The following AGBL1 variants were observed in gnomAD, a reference collection of about 807,000 sequenced individuals.
The protein encoded by AGBL1 is AGBL carboxypeptidase 1.
AGBL1 carries 130 observed loss-of-function variants against 118.9 expected under a neutral mutation model. That is an observed-to-expected ratio of 1.09 (90% confidence interval 0.95 to 1.26). AGBL1 has a LOEUF of 1.26. Ranked by LOEUF, AGBL1 falls within the 50% of genes most tolerant of loss-of-function variation. The pLI, the probability that AGBL1 is intolerant of heterozygous loss-of-function variation, is 0.00. For synonymous variants in AGBL1, 555 were observed against 478.9 expected (o/e 1.16, Z -2.08); for missense variants, 1,584 against 1,298.1 (o/e 1.22, Z -3.38).
At chr15:86,539,457 A>C in intron 19 of AGBL1, among the ~76,000 whole-genome samples, 1 of 152,078 alleles carries the variant, frequency 6.6e-6, no homozygotes, top group East Asian at 1.9e-4. Flanking sequence ...CTCCCATCTT[A>C]ACACTTCTGT....
intron 23 of AGBL1, among the ~76,000 whole-genome samples, chr15:86,941,810 A>G (rs1429656985): frequency 2.0e-5 from 3 of 152,230 alleles, no homozygotes; most frequent in Non-Finnish European, 4.4e-5. Context: ...CAGGAGAACC[A>G]TGCACACTAC....
chr15:86,816,084 A>G (rs142691228), intron 22 of AGBL1, among the ~76,000 whole-genome samples: 61 of 152,344 alleles, frequency 4.0e-4, no homozygotes, highest in African/African-American at 1.4e-3. Flanking sequence ...GAAGATGGAT[A>G]AGACGTGTCA....
At position 86,261,983 on chromosome 15, in the gene AGBL1, C is replaced by T. The variant is rs559300819; in HGVS notation, c.970-795C>T. Among the ~76,000 whole-genome samples the T allele has an allele frequency of 5.3e-5, 8 of 151,370 alleles. No individual in the cohort carries two copies. In the South Asian group the frequency reaches 1.7e-3, roughly 32 times the overall value. ...TCAAATCTCATCTCCTGCAATCTTC[C>T]TCTTATTCTGTATGCAACAGCCACC... On this transcript the variant is annotated intron_variant, in intron 9 of 22. Transcript: ENST00000614907.
At chr15:87,004,755 C>T (rs887384198) in intron 24 of AGBL1, among the ~76,000 whole-genome samples, 1 of 152,040 alleles carries the variant, frequency 6.6e-6, no homozygotes, top group East Asian at 1.9e-4. Flanking sequence ...TTATTTTACT[C>T]ATTAATTGAT....
chr15:86,890,952 A>G (rs2080043954), intron 22 of AGBL1, among the ~76,000 whole-genome samples: 1 of 152,144 alleles, frequency 6.6e-6, no homozygotes, highest in South Asian at 2.1e-4. Context: ...TGGTAGTTTA[A>G]TGGAAATAGC....
Position 86,672,716 on chromosome 15 carries a change from G to A in AGBL1, c.2995-1557G>A, listed in dbSNP as rs563121625. 9.4e-5 allele frequency among the ~76,000 whole-genome samples: 14 copies of A among 149,044 alleles called. No individual in the cohort carries two copies. In the South Asian group the frequency reaches 2.8e-3, roughly 30 times the overall value. ...AGAGACTCAGATTTCTCTTTCTTTA[G>A]AAAGTGATCTTTTCTATTGACTTAA... is the stretch of plus-strand genomic sequence containing the variant. On this transcript the variant is annotated intron_variant, in intron 21 of 22. Transcript: ENST00000614907.
chr15:86,651,676 G>A (rs1377041730), intron 21 of AGBL1, among the ~76,000 whole-genome samples: 2 of 152,086 alleles, frequency 1.3e-5, no homozygotes, highest in African/African-American at 4.8e-5. Flanking sequence ...CATTTTCTTA[G>A]TTACATGAAA....
At chr15:86,666,242 T>G (rs1469618001) in intron 21 of AGBL1, among the ~76,000 whole-genome samples, 1 of 152,152 alleles carries the variant, frequency 6.6e-6, no homozygotes, top group Non-Finnish European at 1.5e-5. Flanking sequence ...ACATAACCCT[T>G]GGGATATTTA....
intron 22 of AGBL1, among the ~76,000 whole-genome samples, chr15:86,796,658 G>A (rs534676178): frequency 6.6e-6 from 1 of 152,290 alleles, no homozygotes; most frequent in Non-Finnish European, 1.5e-5. Context: ...CTATGGCACA[G>A]GATGAAATCC....
At chr15:86,763,963 G>T (rs2078061748) in intron 22 of AGBL1, among the ~76,000 whole-genome samples, 1 of 152,078 alleles carries the variant, frequency 6.6e-6, no homozygotes, top group Admixed American at 6.6e-5. Context: ...GAATAGGATT[G>T]TGGGATGGAA....
chr15:86,330,288 G>A (rs1874757735), intron 17 of AGBL1, among the ~76,000 whole-genome samples: 1 of 152,208 alleles, frequency 6.6e-6, no homozygotes, highest in Non-Finnish European at 1.5e-5. Context: ...TACGTCTACT[G>A]GCTTCTAGGT....
chr15:86,310,060 C>G (rs1261524199), intron 17 of AGBL1, among the ~76,000 whole-genome samples: 1 of 152,120 alleles, frequency 6.6e-6, no homozygotes, highest in African/African-American at 2.4e-5. Flanking sequence ...AGATCCTGAG[C>G]TTTTCTTTGT....
chr15:86,620,777 C>T (rs1205585914), intron 21 of AGBL1, among the ~76,000 whole-genome samples: 3 of 152,008 alleles, frequency 2.0e-5, no homozygotes, highest in African/African-American at 7.2e-5. Flanking sequence ...ATTTTTCCAC[C>T]TCTGAAAGTG....
chr15:86,910,412 T>G lies in AGBL1; in HGVS notation c.*3118T>G, dbSNP rs1169967966. ...CAGATAAAGCTGCATTTGGCATTCC[T>G]TGATGAAAAGGCTGAATTTAATTCT... On this transcript the variant is annotated 3_prime_UTR_variant, in exon 23 of 23. Coordinates refer to ENST00000614907, the MANE Select transcript of AGBL1 (RefSeq NM_001386094.1). 1 of 152,160 alleles carries G rather than the reference T, an allele frequency of 6.6e-6. No homozygotes were observed. The highest frequency in any genetic ancestry group is 1.5e-5 in the Non-Finnish European group (1 of 68,002). The allele number at this position is 152,160 out of a possible 1,614,324, so 9.4% of individuals were successfully genotyped here. A position where few individuals can be genotyped will look rare whatever the true frequency, so the allele number is the denominator to read the frequency against.
intron 12 of AGBL1, 40 bp from the exon 13 acceptor site, chr15:86,266,950 T>G (rs1190065126): frequency 7.2e-7 from 1 of 1,392,246 alleles, no homozygotes; most frequent in Non-Finnish European, 1.0e-6. Context: ...CAAAGAGTAG[T>G]GATAACACAT....
intron 1 of AGBL1, among the ~76,000 whole-genome samples, chr15:86,136,189 A>C (rs1314627428): frequency 1.3e-5 from 2 of 152,204 alleles, no homozygotes; most frequent in Non-Finnish European, 2.9e-5. Context: ...ACCTACCCAC[A>C]AAATCCATAG....
intron 17 of AGBL1, among the ~76,000 whole-genome samples, chr15:86,366,976 T>G (rs1196450483): frequency 6.6e-6 from 1 of 152,200 alleles, no homozygotes; most frequent in Non-Finnish European, 1.5e-5. Context: ...CAGTCTATCT[T>G]CTGGGGGCGG....
At chr15:86,937,901 C>A (rs1057363672) in intron 23 of AGBL1, among the ~76,000 whole-genome samples, 1 of 152,090 alleles carries the variant, frequency 6.6e-6, no homozygotes, top group South Asian at 2.1e-4. Flanking sequence ...ACAGCCTGGA[C>A]GTAAAGCATG....
At chr15:86,628,656 C>T (rs1278051255) in intron 21 of AGBL1, among the ~76,000 whole-genome samples, 6 of 151,894 alleles carry the variant, frequency 4.0e-5, no homozygotes, top group Non-Finnish European at 5.9e-5. Context: ...ATTAGCCAGG[C>T]GTGGTGGTGG....
Sources: allele counts gnomAD v4.1 joint callset (sites outside exome capture counted in the v4.1 genomes callset), GRCh38; gene constraint gnomAD v4.1.1; transcripts MANE v1.5; gene names NCBI Gene and HGNC (gene_info 2026-07-23, HGNC 2026-07-21).